The following TPRA1 variants were observed in gnomAD, a reference collection of about 807,000 sequenced individuals.
The protein encoded by TPRA1 is transmembrane protein adipocyte-associated 1.
TPRA1 carries 28 observed loss-of-function variants against 40.1 expected under a neutral mutation model. The observed-to-expected ratio is 0.70, with a 90% CI of 0.52 to 0.96. The LOEUF (loss-of-function observed/expected upper bound fraction) is 0.96, where lower values mean the gene tolerates loss of function less well. TPRA1 is among the 40% of genes least tolerant of loss of function. The pLI, the probability that TPRA1 is intolerant of heterozygous loss-of-function variation, is 0.00. For synonymous variants in TPRA1, 219 were observed against 209.7 expected (o/e 1.04, Z -0.38); for missense variants, 441 against 482.6 (o/e 0.91, Z 0.81).
chr3:127,591,647 GAC>G (rs1268740202), upstream of TPRA1, among the ~76,000 whole-genome samples: 2 of 152,132 alleles, frequency 1.3e-5, no homozygotes, highest in Non-Finnish European at 2.9e-5. Context: ...GGGTTTTGTG[GAC>G]ACCCTCGCTG....
chr3:127,582,392 C>A (rs2073859758), intron 1 of TPRA1, among the ~76,000 whole-genome samples: 1 of 151,562 alleles, frequency 6.6e-6, no homozygotes, highest in Admixed American at 6.6e-5. Context: ...ATAGCAAGAC[C>A]TCATCTCTAC....
rs111231548 is a variant in TPRA1, at chr3:127,573,519, C to T, written c.*2G>A. 3.9e-3 allele frequency: 6,327 copies of T among 1,609,548 alleles called. 116 individuals carry two copies. In the African/African-American group the frequency reaches 0.045, roughly 11 times the overall value. On this transcript the variant is annotated 3_prime_UTR_variant, in exon 11 of 11. Transcript: ENST00000355552. ...GTCCTCCACAGGCCCTGGCAGCTGC[C>T]CTCAGGCATTGATGGCCTTCCAGCG...
chr3:127,575,771 C>T lies in TPRA1; in HGVS notation c.648G>A (p.Leu216=), dbSNP rs1446738335. The part of the protein sequence containing the change: ...SLVVILPKTP[L]KERISLPSRR... ...CACAAGGCAGGGAGATGCGCTCCTT[C>T]AGCGGGGTCTTGGGAAGGATGACCA... The change falls in exon 8 of 11, where the codon CTG becomes CTA. Residue 216 remains leucine (L), a synonymous_variant. Coordinates refer to ENST00000355552, the MANE Select transcript of TPRA1 (RefSeq NM_001136053.4). The T allele has an allele frequency of 6.2e-7, 1 of 1,613,772 alleles. No homozygotes were observed. Among genetic ancestry groups the T allele is most frequent in the Non-Finnish European group, 8.5e-7 (1 of 1,179,982 alleles).
rs1263972999 is a variant in TPRA1 at position 127,580,015 on chromosome 3, G to GCCTCA, written c.125+2_125+6dup. 33 of 1,613,226 alleles carry GCCTCA rather than the reference G, an allele frequency of 2.0e-5. No homozygotes were observed. The highest frequency in any genetic ancestry group is 2.6e-5 in the Non-Finnish European group (31 of 1,180,024). Reference sequence around the variant, plus strand: ...AGCGAGCCTGCCCAGCGTTGTGACTGCCTCACCTGGAGGTGCCAATGTCTT... The same window carrying GCCTCA: ...AGCGAGCCTGCCCAGCGTTGTGACTGCCTCACCTCACCTGGAGGTGCCAATGTCTT... On this transcript the variant is annotated splice_region_variant and intron_variant, in intron 2 of 10. Coordinates refer to ENST00000355552, the MANE Select transcript of TPRA1 (RefSeq NM_001136053.4).
Position 127,597,908 on chromosome 3 carries a change from A to G in TPRA1, c.-391+99T>C, listed in dbSNP as rs572883947. On this transcript the variant is annotated intron_variant, in intron 1 of 3. Coordinates refer to the TPRA1 transcript ENST00000462228. ...CCGCAACCTCCACCTCCCAGGTTCA[A>G]GCGATTCTTCTGCCTCAGCCTCCCG... 19 of 164,492 alleles carry G rather than the reference A, an allele frequency of 1.2e-4. No homozygotes were observed. The South Asian group carries it at 2.5e-3, about 21-fold the overall frequency. 10.2% of individuals were successfully genotyped at this position (164,492 alleles called of 1,614,324 possible).
chr3:127,586,551 G>A (rs1282709566), intron 1 of TPRA1, among the ~76,000 whole-genome samples: 7 of 152,180 alleles, frequency 4.6e-5, no homozygotes, highest in African/African-American at 1.4e-4. Flanking sequence ...TAGAGACAGG[G>A]TTTTGCCATG....
intron 1 of TPRA1, chr3:127,595,750 A>G (rs2074234517): frequency 6.6e-6 from 1 of 152,246 alleles, no homozygotes; most frequent in Non-Finnish European, 1.5e-5. Context: ...TCTGTCTTGT[A>G]TGGCCTCTCT....
At chr3:127,582,045 G>C (rs748809296) in intron 1 of TPRA1, among the ~76,000 whole-genome samples, 1 of 152,186 alleles carries the variant, frequency 6.6e-6, no homozygotes, top group Admixed American at 6.5e-5. Context: ...CTGCAGAAAC[G>C]CAACAGGAGC....
In TPRA1 at chr3:127,572,212, C is replaced by T. The variant is rs984914351; in HGVS notation, c.*1309G>A. 3.9e-5 allele frequency among the ~76,000 whole-genome samples: 6 copies of T among 152,170 alleles called. No homozygotes were observed. The highest frequency in any genetic ancestry group is 1.4e-4 in the African/African-American group (6 of 41,440). On this transcript the variant is annotated 3_prime_UTR_variant, in exon 11 of 11. Coordinates refer to ENST00000355552, the MANE Select transcript of TPRA1 (RefSeq NM_001136053.4). ...TGAGCTGTGTTGGAGCTTGTGCCCTCGGCACCCCATTCCCCCCTAAAAAAA... is the reference window on the plus strand; with the variant it reads ...TGAGCTGTGTTGGAGCTTGTGCCCTTGGCACCCCATTCCCCCCTAAAAAAA...
At chr3:127,585,868 C>T (rs576281992) in intron 1 of TPRA1, among the ~76,000 whole-genome samples, 2 of 152,278 alleles carry the variant, frequency 1.3e-5, no homozygotes, top group South Asian at 2.1e-4. Flanking sequence ...GGGGTGGAGC[C>T]GGTGTGGAGC....
At chr3:127,579,648 A>G in intron 3 of TPRA1, 92 bp downstream of exon 3, 1 of 1,416,010 alleles carries the variant, frequency 7.1e-7, no homozygotes, top group Non-Finnish European at 9.7e-7. Context: ...ATCCAGCCAT[A>G]CCTGAAGCTT....
chr3:127,574,601 T>C (rs1417881876), intron 10 of TPRA1, among the ~76,000 whole-genome samples: 1 of 152,226 alleles, frequency 6.6e-6, no homozygotes, highest in Non-Finnish European at 1.5e-5. Context: ...GCATCCGCTG[T>C]GGGCCTCGCA....
chr3:127,589,416 G>T (rs973433069), intron 1 of TPRA1, among the ~76,000 whole-genome samples: 1 of 152,100 alleles, frequency 6.6e-6, no homozygotes, highest in Admixed American at 6.5e-5. Context: ...TAGGGCCTAA[G>T]GGTGGTGAGA....
At chr3:127,594,727 C>T (rs1365534432), upstream of TPRA1, 1 of 152,340 alleles carries the variant, frequency 6.6e-6, no homozygotes, top group East Asian at 1.9e-4. Context: ...CGCCAATGGG[C>T]AGTTCTTACG....
intron 8 of TPRA1, 69 bp from the exon 9 acceptor site, chr3:127,575,574 C>T: frequency 6.8e-7 from 1 of 1,470,590 alleles, no homozygotes; most frequent in East Asian, 2.4e-5. Context: ...CCAGCACCTA[C>T]TACCCTCAAG....
In TPRA1 at chr3:127,572,903, G is replaced by T. The variant is rs2073418973; in HGVS notation, c.*618C>A. On this transcript the variant is annotated 3_prime_UTR_variant, in exon 11 of 11. Transcript: ENST00000355552. ...CAGGGGCAGGGGCAGCGGCAGCTGGGATCCTGTTTCTCTTCACCTCCCCAG... is the reference window on the plus strand; with the variant it reads ...CAGGGGCAGGGGCAGCGGCAGCTGGTATCCTGTTTCTCTTCACCTCCCCAG... Among the ~76,000 whole-genome samples the T allele has an allele frequency of 6.6e-6, 1 of 152,124 alleles. No homozygotes were observed. Among genetic ancestry groups the T allele is most frequent in the Admixed American group, 6.5e-5 (1 of 15,268 alleles).
At chr3:127,578,290 G>C (rs374505855) in intron 3 of TPRA1, among the ~76,000 whole-genome samples, 2 of 152,222 alleles carry the variant, frequency 1.3e-5, no homozygotes, top group Non-Finnish European at 2.9e-5. Flanking sequence ...GACTTCATAG[G>C]TGCTCACATG....
chr3:127,593,660 G>A (rs2074213498), upstream of TPRA1, among the ~76,000 whole-genome samples: 1 of 152,104 alleles, frequency 6.6e-6, no homozygotes, highest in African/African-American at 2.4e-5. Context: ...CCAAAGACGT[G>A]TGGAGGGTAT....
chr3:127,588,582 G>A (rs914185590), intron 1 of TPRA1, among the ~76,000 whole-genome samples: 16 of 151,976 alleles, frequency 1.1e-4, no homozygotes, highest in Admixed American at 3.3e-4. Context: ...CACCACACCC[G>A]GCTAATTTTT....
Sources: gnomAD v4.1 joint callset for allele counts (sites outside exome capture counted in the v4.1 genomes callset) on GRCh38, gnomAD v4.1.1 for gene constraint, MANE v1.5 for transcripts, NCBI Gene and HGNC (gene_info 2026-07-23, HGNC 2026-07-21) for gene names.